The following AGMO variants were observed in gnomAD, a reference collection of about 807,000 sequenced individuals.
The protein encoded by AGMO is alkylglycerol monooxygenase, also known as glyceryl-ether monooxygenase.
In AGMO, 75 loss-of-function variants were observed where a neutral mutation model predicts 60.2. The ratio of observed to expected loss-of-function variants is 1.25; its 90% CI spans 1.03 to 1.51. The LOEUF is 1.51. AGMO is among the 40% of genes most tolerant of loss of function. The pLI is 0.00. For missense variants in AGMO, 763 were observed against 525.5 expected (o/e 1.45, Z -4.42); for synonymous variants, 261 against 177.1 (o/e 1.47, Z -3.76).
At chr7:15,141,168 G>A in the AGMO span, among the ~76,000 whole-genome samples, 1 of 152,148 alleles carries the variant, frequency 6.6e-6, no homozygotes, top group Non-Finnish European at 1.5e-5. Context: ...AGAGCCCAAC[G>A]CCTTGGGAGT....
intron 10 of AGMO, among the ~76,000 whole-genome samples, chr7:15,382,114 A>G (rs1783718109): frequency 6.6e-6 from 1 of 152,144 alleles, no homozygotes; most frequent in Non-Finnish European, 1.5e-5. Flanking sequence ...CAAACCCCTC[A>G]TGACACAAGT....
intron 12 of AGMO, among the ~76,000 whole-genome samples, chr7:15,339,968 CTG>C (rs1781788418): frequency 6.6e-6 from 1 of 152,182 alleles, no homozygotes; most frequent in South Asian, 2.1e-4. Flanking sequence ...CAACAAGTGA[CTG>C]TGACTGAGGC....
At chr7:15,328,285 T>C (rs528187314) in intron 12 of AGMO, among the ~76,000 whole-genome samples, 6 of 151,886 alleles carry the variant, frequency 4.0e-5, no homozygotes, top group Non-Finnish European at 8.8e-5. Context: ...TTAGTAGAGA[T>C]GGGTTTTCTC....
intron 3 of AGMO, among the ~76,000 whole-genome samples, chr7:15,486,743 AT>A (rs201329127): frequency 0.013 from 2,052 of 152,096 alleles, 49 homozygotes; most frequent in African/African-American, 0.047. Flanking sequence ...TTTAATTTTT[AT>A]TTTATCTTTA....
intron 12 of AGMO, among the ~76,000 whole-genome samples, chr7:15,341,384 T>C (rs1327063182): frequency 6.6e-6 from 1 of 152,210 alleles, no homozygotes; most frequent in African/African-American, 2.4e-5. Context: ...CCAGTCCTTT[T>C]GCTAAAGCAT....
chr7:15,230,773 G>T (rs1782236516), intron 12 of AGMO, among the ~76,000 whole-genome samples: 1 of 152,100 alleles, frequency 6.6e-6, no homozygotes, highest in African/African-American at 2.4e-5. Context: ...CTTCCCCTTT[G>T]CTCTCTCCCC....
intron 10 of AGMO, among the ~76,000 whole-genome samples, chr7:15,367,395 G>A (rs1366462416): frequency 4.0e-5 from 6 of 151,748 alleles, no homozygotes; most frequent in Non-Finnish European, 1.5e-5. Flanking sequence ...TGTGTTTCTT[G>A]TACTTTAATT....
At chr7:15,460,763 G>A (rs1017793915) in intron 3 of AGMO, among the ~76,000 whole-genome samples, 3 of 151,926 alleles carry the variant, frequency 2.0e-5, no homozygotes, top group African/African-American at 7.2e-5. Context: ...GATCAGAGAA[G>A]GTTGGAAGAA....
intron 3 of AGMO, among the ~76,000 whole-genome samples, chr7:15,519,586 C>A (rs1275087799): frequency 6.6e-6 from 1 of 152,120 alleles, no homozygotes; most frequent in Non-Finnish European, 1.5e-5. Context: ...AAATAAAATC[C>A]TTTACAGACA....
chr7:15,546,157 T>C (rs1211804691), intron 2 of AGMO, among the ~76,000 whole-genome samples: 2 of 152,186 alleles, frequency 1.3e-5, no homozygotes, highest in African/African-American at 4.8e-5. Context: ...TGATTTAATA[T>C]CTTTAAAATA....
intron 12 of AGMO, among the ~76,000 whole-genome samples, chr7:15,269,914 C>T (rs1400394083): frequency 1.3e-5 from 2 of 151,978 alleles, no homozygotes; most frequent in Non-Finnish European, 1.5e-5. Flanking sequence ...CTCCAGCTGC[C>T]TCCATGTTGC....
chr7:15,314,104 T>C (rs10279259), intron 12 of AGMO, among the ~76,000 whole-genome samples: 45,447 of 151,782 alleles, frequency 0.3, 9,922 homozygotes, highest in African/African-American at 0.61. Flanking sequence ...CAGCAGATAA[T>C]GTTGATGACT....
intron 12 of AGMO, among the ~76,000 whole-genome samples, chr7:15,271,101 A>C (rs545264500): frequency 6.6e-6 from 1 of 152,096 alleles, no homozygotes; most frequent in Non-Finnish European, 1.5e-5. Context: ...CTCAGGGAAT[A>C]AGATGCATCC....
intron 12 of AGMO, among the ~76,000 whole-genome samples, chr7:15,313,379 T>C (rs1173208211): frequency 2.0e-5 from 3 of 152,218 alleles, no homozygotes; most frequent in Non-Finnish European, 4.4e-5. Flanking sequence ...AAGTTTATTT[T>C]GCTGCTTAAG....
chr7:15,247,599 C>G (rs186690766), intron 12 of AGMO, among the ~76,000 whole-genome samples: 1 of 151,974 alleles, frequency 6.6e-6, no homozygotes, highest in South Asian at 2.1e-4. Context: ...GACACATTCA[C>G]AGTGAAACAG....
At chr7:15,172,960 C>T in the AGMO span, among the ~76,000 whole-genome samples, 7 of 152,142 alleles carry the variant, frequency 4.6e-5, no homozygotes, top group East Asian at 5.8e-4. Context: ...AATCAAATCT[C>T]AAAGATAAGG....
chr7:15,390,803 CTGATT>C (rs776736947), intron 7 of AGMO, 32 bp downstream of exon 7: 9 of 1,581,586 alleles, frequency 5.7e-6, no homozygotes, highest in Middle Eastern at 1.7e-4. Context: ...AGTAAAGGAG[CTGATT>C]TAATTTTTTG....
At chr7:15,364,573 G>A (rs1225124220) in intron 12 of AGMO, among the ~76,000 whole-genome samples, 1 of 151,960 alleles carries the variant, frequency 6.6e-6, no homozygotes, top group Non-Finnish European at 1.5e-5. Flanking sequence ...AATGCTGCAA[G>A]GAATAATATT....
chr7:15,374,174 T>C (rs1783347812), intron 10 of AGMO, among the ~76,000 whole-genome samples: 1 of 151,574 alleles, frequency 6.6e-6, no homozygotes, highest in South Asian at 2.1e-4. Context: ...GTCTCAAGAA[T>C]CTGTCTTGAA....
Sources: gnomAD v4.1 joint callset for allele counts (sites outside exome capture counted in the v4.1 genomes callset) on GRCh38, gnomAD v4.1.1 for gene constraint, MANE v1.5 for transcripts, NCBI Gene and HGNC (gene_info 2026-07-23, HGNC 2026-07-21) for gene names.